Variants in NR1H3 observed in about 807,000 individuals in gnomAD.
The protein encoded by NR1H3 is oxysterols receptor LXR-alpha.
A neutral mutation model predicts 48.1 loss-of-function variants in NR1H3; 19 were observed. The ratio of observed to expected loss-of-function variants is 0.40; its 90% confidence interval spans 0.28 to 0.58. The LOEUF (loss-of-function observed/expected upper bound fraction) is 0.58. Ranked by LOEUF, NR1H3 falls within the 20% of genes least tolerant of loss-of-function variation. The pLI is 0.50. For synonymous variants in NR1H3, 232 were observed against 227.3 expected (o/e 1.02, Z -0.19); for missense variants, 486 against 595.9 (o/e 0.82, Z 1.92).
chr11:47,255,397 G>C (rs1288809111), upstream of NR1H3, among the ~76,000 whole-genome samples: 4 of 152,186 alleles, frequency 2.6e-5, no homozygotes, highest in Non-Finnish European at 1.5e-5. Flanking sequence ...GCTGTGTATG[G>C]AAACAAGTAC....
intron 1 of NR1H3, among the ~76,000 whole-genome samples, chr11:47,251,598 C>T (rs1954661117): frequency 6.6e-6 from 1 of 151,552 alleles, no homozygotes; most frequent in African/African-American, 2.4e-5. Context: ...GGCAACAGAG[C>T]GAGACTCTGT....
In NR1H3 at chr11:47,259,550, T is replaced by C. The variant is rs1251843359; in HGVS notation, c.44-241T>C. 5 of 1,484,388 alleles carry C rather than the reference T, an allele frequency of 3.4e-6. No homozygotes were observed. The South Asian group carries it at 4.1e-5, about 12-fold the overall frequency. The allele number at this position is 1,484,388 out of a possible 1,614,324, so 92.0% of individuals were successfully genotyped here. A position where few individuals can be genotyped will look rare whatever the true frequency, so the allele number is the denominator to read the frequency against. On this transcript the variant is annotated intron_variant, in intron 2 of 9. Transcript: ENST00000441012. ...AGTTTTATCTGATCTCTGAAATGCA[T>C]ACACTCCAGCCCCCCAAAGGGACAA...
chr11:47,248,407 G>C, upstream of NR1H3: 5 of 1,526,448 alleles, frequency 3.3e-6, no homozygotes, highest in Non-Finnish European at 4.4e-6. Flanking sequence ...GGACAACTGG[G>C]GAAAAAAGAT....
upstream of NR1H3, among the ~76,000 whole-genome samples, chr11:47,255,335 C>T (rs148647595): frequency 6.6e-6 from 1 of 152,320 alleles, no homozygotes; most frequent in African/African-American, 2.4e-5. Flanking sequence ...TACTTACCCT[C>T]CTTTCCTCCC....
At position 47,267,941 on chromosome 11, in the gene NR1H3, C is replaced by CTT; in HGVS notation, c.1018_1019dup (p.Glu341SerfsTer7). On this transcript the variant is annotated frameshift_variant, in exon 8 of 10. Coordinates refer to ENST00000441012, the MANE Select transcript of NR1H3 (RefSeq NM_005693.4). LOFTEE classifies it high-confidence loss of function. ...TGCAAGTGGAATTCATCAACCCCATCTTCGAGTTCTCCAGGGCCATGAATG... is the reference window on the plus strand; with the variant it reads ...TGCAAGTGGAATTCATCAACCCCATCTTTTCGAGTTCTCCAGGGCCATGAATG... 1 of 1,614,126 alleles carries CTT rather than the reference C, an allele frequency of 6.2e-7. No individual in the cohort carries two copies. Among genetic ancestry groups the CTT allele is most frequent in the Non-Finnish European group, 8.5e-7 (1 of 1,180,014 alleles).
At chr11:47,255,889 G>C (rs1469444599), upstream of NR1H3, among the ~76,000 whole-genome samples, 1 of 151,232 alleles carries the variant, frequency 6.6e-6, no homozygotes, top group Non-Finnish European at 1.5e-5. Context: ...GGCTGGTCTG[G>C]AACTCCTGAC....
chr11:47,249,937 C>CA (rs59771362), intron 1 of NR1H3, among the ~76,000 whole-genome samples: 40,508 of 144,476 alleles, frequency 0.28, 6,646 homozygotes, highest in East Asian at 0.65. Context: ...ACTAAAAATA[C>CA]AAAAAAAAAA....
Position 47,261,734 on chromosome 11 carries a change from G to A in NR1H3, c.888+8G>A. ...AAGACCTCTGCGATCGAGGTGGCTG[G>A]AGAAGGGCAAGGGATGAAGGGAGAA... On this transcript the variant is annotated splice_region_variant and intron_variant, in intron 6 of 9. Transcript: ENST00000441012. The A allele has an allele frequency of 6.2e-7, 1 of 1,614,030 alleles. No individual in the cohort carries two copies. Among genetic ancestry groups the A allele is most frequent in the South Asian group, 1.1e-5 (1 of 91,086 alleles).
chr11:47,265,715 T>C (rs1188922606), intron 7 of NR1H3, among the ~76,000 whole-genome samples: 1 of 151,800 alleles, frequency 6.6e-6, no homozygotes, highest in Non-Finnish European at 1.5e-5. Context: ...CTACTAAAAA[T>C]ACAAAAATTA....
chr11:47,256,824 G>A (rs540657807), upstream of NR1H3, among the ~76,000 whole-genome samples: 7 of 149,976 alleles, frequency 4.7e-5, no homozygotes, highest in South Asian at 8.4e-4. Flanking sequence ...TCTGCCTCCC[G>A]GGTTCACGCC....
At chr11:47,267,528 T>TG (rs1956758166) in intron 7 of NR1H3, among the ~76,000 whole-genome samples, 1 of 151,766 alleles carries the variant, frequency 6.6e-6, no homozygotes, top group East Asian at 1.9e-4. Flanking sequence ...TTTTTTTTTT[T>TG]GACGGAATCT....
Position 47,261,082 on chromosome 11 carries a change from CA to C in NR1H3, c.500-147del, listed in dbSNP as rs34171260. ...CCTGAGCAAGTGTGAGACTCTGTTT[CA>C]AAAAAAAAAAATCTTCTTGCCTTTA... On this transcript the variant is annotated intron_variant, in intron 4 of 9. Coordinates refer to ENST00000441012, the MANE Select transcript of NR1H3 (RefSeq NM_005693.4). Among the ~76,000 whole-genome samples, 999 of 146,132 alleles carry C rather than the reference CA, an allele frequency of 6.8e-3. 14 individuals are homozygous for C. The highest frequency in any genetic ancestry group is 0.023 in the African/African-American group (922 of 39,620).
At chr11:47,265,115 A>G (rs6485746) in intron 7 of NR1H3, among the ~76,000 whole-genome samples, 57,405 of 151,890 alleles carry the variant, frequency 0.38, 11,788 homozygotes, top group East Asian at 0.75. Flanking sequence ...CCCATATGGC[A>G]AAACCCCATC....
At chr11:47,252,774 G>A (rs933133512) in intron 1 of NR1H3, among the ~76,000 whole-genome samples, 3 of 147,724 alleles carry the variant, frequency 2.0e-5, no homozygotes, top group Non-Finnish European at 4.5e-5. Flanking sequence ...ATTTTTAGTA[G>A]AGACAGGGTT....
chr11:47,255,482 G>A (rs896190158), upstream of NR1H3, among the ~76,000 whole-genome samples: 4 of 152,136 alleles, frequency 2.6e-5, no homozygotes, highest in Admixed American at 1.3e-4. Flanking sequence ...ATGATAACTC[G>A]TGCCATTTCT....
chr11:47,252,574 T>G (rs1451712555), intron 1 of NR1H3, among the ~76,000 whole-genome samples: 1 of 149,046 alleles, frequency 6.7e-6, no homozygotes, highest in African/African-American at 2.5e-5. Context: ...TTTTTTTTGT[T>G]TGTTTTGTTT....
chr11:47,257,217 CAG>C (rs1425840394), upstream of NR1H3, among the ~76,000 whole-genome samples: 1 of 152,228 alleles, frequency 6.6e-6, no homozygotes, highest in African/African-American at 2.4e-5. Context: ...ACTATAGTCT[CAG>C]TAGCTGCTGG....
intron 1 of NR1H3, among the ~76,000 whole-genome samples, chr11:47,249,913 G>A (rs1004478531): frequency 1.3e-5 from 2 of 149,614 alleles, no homozygotes; most frequent in Non-Finnish European, 3.0e-5. Context: ...CCAACGTGGC[G>A]AAACCCCGTC....
chr11:47,255,553 CT>C (rs199620791), upstream of NR1H3, among the ~76,000 whole-genome samples: 1 of 60,118 alleles, frequency 1.7e-5, no homozygotes, highest in Admixed American at 1.8e-4. Flanking sequence ...TTCTTTCTTT[CT>C]TTCTTTCTTT....
Sources: gnomAD v4.1 joint callset for allele counts (sites outside exome capture counted in the v4.1 genomes callset) on GRCh38, gnomAD v4.1.1 for gene constraint, MANE v1.5 for transcripts, NCBI Gene and HGNC (gene_info 2026-07-23, HGNC 2026-07-21) for gene names.